Variants in CHD4 observed in about 807,000 individuals in gnomAD.
The protein encoded by CHD4 is chromodomain helicase DNA binding protein 4, also known as ATP-dependent chromatin remodeler CHD4.
Under a neutral mutation model 235.5 loss-of-function variants are expected in CHD4, and 35 were observed. That is an observed-to-expected ratio of 0.15 (90% confidence interval 0.11 to 0.20). The LOEUF (loss-of-function observed/expected upper bound fraction) is 0.20. CHD4 is among the 10% of genes least tolerant of loss of function. The probability of loss-of-function intolerance (pLI) is 1.00; values close to 1 mark genes in which losing one functional copy is unlikely to be tolerated. For synonymous variants in CHD4, 900 were observed against 850.2 expected, an observed-to-expected ratio of 1.06 and a Z score of -1.02; for missense variants, 1,329 against 2,432.3, an observed-to-expected ratio of 0.55 and a Z score of 9.54.
In CHD4 at chr12:6,597,331, T is replaced by C. The variant is rs573779681; in HGVS notation, c.1892+563A>G. 7.9e-5 allele frequency among the ~76,000 whole-genome samples: 12 copies of C among 150,998 alleles called. 1 individual carries two copies. The South Asian group carries it at 2.6e-3, about 33-fold the overall frequency. ...TAATAACATGAAGTGTCAGGCGCAG[T>C]AGCTCACGCCTGTAATCCTAACACT... On this transcript the variant is annotated intron_variant, in intron 12 of 39. Coordinates refer to ENST00000544040, the MANE Select transcript of CHD4 (RefSeq NM_001273.5).
In CHD4 at chr12:6,570,420, A is replaced by G; in HGVS notation, c.*256T>C. On this transcript the variant is annotated 3_prime_UTR_variant, in exon 40 of 40. Transcript: ENST00000544040. Reference sequence around the variant, plus strand: ...GTGTAACAGGCGTTACAGTGGGGAGAAGCCAGGGTCCAGAAGGCCAGCCCG... The same window carrying G: ...GTGTAACAGGCGTTACAGTGGGGAGGAGCCAGGGTCCAGAAGGCCAGCCCG... 1 of 535,394 alleles carries G rather than the reference A, an allele frequency of 1.9e-6. No homozygotes were observed. Among genetic ancestry groups the G allele is most frequent in the East Asian group, 3.0e-5 (1 of 33,146 alleles). 33.2% of individuals were successfully genotyped at this position (535,394 alleles called of 1,614,324 possible).
rs1378420001 is a variant in CHD4, at chr12:6,592,821, GT to G, written c.2653-5del. On this transcript the variant is annotated splice_polypyrimidine_tract_variant and splice_region_variant and intron_variant, in intron 17 of 39. Coordinates refer to ENST00000544040, the MANE Select transcript of CHD4 (RefSeq NM_001273.5). ...AACCATTCAATACCCGGAAGAACTG[GT>G]GAAGCAGATGGAGAAAGGTGAAATC... 1 of 1,608,190 alleles carries G rather than the reference GT, an allele frequency of 6.2e-7. No homozygotes were observed. The highest frequency in any genetic ancestry group is 8.5e-7 in the Non-Finnish European group (1 of 1,178,266).
intron 2 of CHD4, among the ~76,000 whole-genome samples, chr12:6,603,715 TAATACTA>T (rs1948639028): frequency 6.6e-6 from 1 of 152,052 alleles, no homozygotes; most frequent in South Asian, 2.1e-4. Context: ...AACATGAAGG[TAATACTA>T]AGAGAAGAAC....
intron 37 of CHD4, among the ~76,000 whole-genome samples, chr12:6,577,278 T>G (rs1406374236): frequency 6.6e-6 from 1 of 151,318 alleles, no homozygotes; most frequent in Non-Finnish European, 1.5e-5. Context: ...AAAAAACAGC[T>G]GGGTGTGGTG....
rs377488166 is a variant in CHD4, at chr12:6,600,243, C to T, written c.1216G>A (p.Glu406Lys). 2.5e-6 allele frequency: 4 copies of T among 1,614,084 alleles called. No individual in the cohort carries two copies. Among genetic ancestry groups the T allele is most frequent in the East Asian group, 2.2e-5 (1 of 44,874 alleles). Residue 406 changes from glutamate to lysine, a missense_variant, in exon 9 of 40, where the codon GAG (glutamate) becomes AAG (lysine). This residue lies in a region of CHD4 where 37 missense variants were observed against 49.9 expected (regional missense o/e 0.74). Transcript: ENST00000544040. ...CAGTGTGGGCAGCTCCACTTGCCCT[C>T]GGGAGCCTTCTCCATGTCGGGATCC... ...CLDPDMEKAP[E>K]GKWSCPHCEK...
chr12:6,598,318 G>C lies in CHD4; in HGVS notation c.1590C>G (p.Pro530=), dbSNP rs779744206. The change falls in exon 11 of 40, where the codon CCC becomes CCG. Residue 530 remains proline (P), a synonymous_variant. Transcript: ENST00000544040. ...GCCGCCCCTCCAAGGGCTTTGGGGA[G>C]GGCGTGTTGGGATCAGCATCTGGAG... ...PRPPDADPNT[P]SPKPLEGRPE... is the part of the protein sequence containing the mutation. 3.7e-6 allele frequency: 6 copies of C among 1,614,130 alleles called. No individual in the cohort carries two copies. The South Asian group carries it at 6.6e-5, about 18-fold the overall frequency.
chr12:6,592,179 G>T, intron 19 of CHD4, 122 bp from the exon 20 acceptor site: 1 of 1,312,750 alleles, frequency 7.6e-7, no homozygotes, highest in Non-Finnish European at 1.1e-6. Flanking sequence ...GACACCTAAC[G>T]CACAAGCACT....
In CHD4 at chr12:6,571,040, G is replaced by T. The variant is rs531341655; in HGVS notation, c.5558-8C>A. ...CTTCCAGCTGTTTCAGAACTGCATA[G>T]GGAGAAAAAGAGGTGGTGAGCTGTG... On this transcript the variant is annotated splice_region_variant and splice_polypyrimidine_tract_variant and intron_variant, in intron 38 of 39. Coordinates refer to ENST00000544040, the MANE Select transcript of CHD4 (RefSeq NM_001273.5). The T allele has an allele frequency of 1.9e-6, 3 of 1,613,408 alleles. No homozygotes were observed. Among genetic ancestry groups the T allele is most frequent in the Non-Finnish European group, 2.5e-6 (3 of 1,179,686 alleles).
intron 33 of CHD4, among the ~76,000 whole-genome samples, chr12:6,579,832 G>A (rs928274049): frequency 2.4e-4 from 36 of 151,550 alleles, no homozygotes; most frequent in African/African-American, 7.5e-4. Flanking sequence ...CAAAGCGGGC[G>A]GATCACGAGG....
chr12:6,583,422 C>G, intron 25 of CHD4, 44 bp from the exon 26 acceptor site: 1 of 1,533,154 alleles, frequency 6.5e-7, no homozygotes, highest in South Asian at 1.2e-5. Context: ...CTGAAGTCAG[C>G]ACCACCAGCT....
rs996155765 is a variant in CHD4 at position 6,600,867 on chromosome 12, G to A, written c.927+59C>T. 5.9e-6 allele frequency: 9 copies of A among 1,526,672 alleles called. No homozygotes were observed. In the African/African-American group the frequency reaches 6.9e-5, roughly 12 times the overall value. 94.6% of individuals were successfully genotyped at this position (1,526,672 alleles called of 1,614,324 possible). On this transcript the variant is annotated intron_variant, in intron 7 of 39. Coordinates refer to ENST00000544040, the MANE Select transcript of CHD4 (RefSeq NM_001273.5). ...CTATGAAGGACAGGTTCTGATAGAA[G>A]GTCACATCCTTTCTATTAGACATGG...
intron 13 of CHD4, among the ~76,000 whole-genome samples, chr12:6,595,763 G>T (rs1948480112): frequency 3.3e-5 from 5 of 149,998 alleles, no homozygotes; most frequent in Admixed American, 2.7e-4. Flanking sequence ...ACTCCAGCCT[G>T]GGGGACAAGA....
At chr12:6,605,925 C>G (rs568337439) in intron 2 of CHD4, among the ~76,000 whole-genome samples, 23 of 152,328 alleles carry the variant, frequency 1.5e-4, no homozygotes, top group Middle Eastern at 6.8e-3. Context: ...TCAACGCCCC[C>G]CTCCACCACC....
chr12:6,578,971 G>C, intron 33 of CHD4, 54 bp from the exon 34 acceptor site: 1 of 1,502,144 alleles, frequency 6.7e-7, no homozygotes, highest in South Asian at 1.1e-5. Context: ...ATTCTCCTCT[G>C]TTGCACACTA....
chr12:6,598,451 C>G, intron 10 of CHD4, 26 bp from the exon 11 acceptor site: 1 of 1,550,734 alleles, frequency 6.4e-7, no homozygotes, highest in African/African-American at 1.4e-5. Flanking sequence ...ACAACTTAAT[C>G]TCAAATCATA....
At chr12:6,571,232 T>C in intron 38 of CHD4, 200 bp from the exon 39 acceptor site, 1 of 589,856 alleles carries the variant, frequency 1.7e-6, no homozygotes, top group Non-Finnish European at 2.9e-6. Flanking sequence ...TTGTGCTTTT[T>C]AAAGTCACCT....
chr12:6,606,364 C>T lies in CHD4; in HGVS notation c.10G>A (p.Gly4Ser), dbSNP rs745607267. 7.6e-6 allele frequency: 12 copies of T among 1,571,966 alleles called. No homozygotes were observed. Among genetic ancestry groups the T allele is most frequent in the Non-Finnish European group, 1.0e-5 (12 of 1,162,110 alleles). Reference sequence around the variant, plus strand: ...GAGCAGGGGGACGGGGAGCCCAGGCCCGACGCCATCCCCTTCCGCTCCCGG... The same window carrying T: ...GAGCAGGGGGACGGGGAGCCCAGGCTCGACGCCATCCCCTTCCGCTCCCGG... MAS[G>S]LGSPSPCSAG... The change falls in exon 2 of 40, where the codon GGC (glycine) becomes AGC (serine). Residue 4 changes from glycine to serine, a missense_variant. By Grantham distance (56) the Gly-to-Ser change is moderately conservative (BLOSUM62 0). Coordinates refer to ENST00000544040, the MANE Select transcript of CHD4 (RefSeq NM_001273.5).
chr12:6,571,982 C>T (rs1947981030), intron 38 of CHD4: 1 of 151,830 alleles, frequency 6.6e-6, no homozygotes, highest in Admixed American at 6.6e-5. Flanking sequence ...CAAAAAAACC[C>T]AAAATTAGCC....
At chr12:6,606,618 G>C (rs1162285813) in intron 1 of CHD4, 167 bp from the exon 2 acceptor site, 1 of 393,386 alleles carries the variant, frequency 2.5e-6, no homozygotes, top group Non-Finnish European at 4.5e-6. Context: ...CCCGGAAGCC[G>C]GCTCCCCGGC....
Sources: gnomAD v4.1 joint callset for allele counts (sites outside exome capture counted in the v4.1 genomes callset) on GRCh38, gnomAD v4.1.1 for gene constraint, gnomAD v4.1.1 regional missense constraint, MANE v1.5 for transcripts, NCBI Gene and HGNC (gene_info 2026-07-23, HGNC 2026-07-21) for gene names.